The following ULK4 variants were observed in gnomAD, a reference collection of about 807,000 sequenced individuals.
The protein encoded by ULK4 is unc-51 like kinase 4, also known as inactive serine/threonine-protein kinase ULK4.
ULK4 carries 133 observed loss-of-function variants against 160.6 expected under a neutral mutation model. That is an observed-to-expected ratio of 0.83 (90% CI 0.72 to 0.96). The LOEUF is 0.96. Among genes scored for constraint, ULK4 ranks in the 40% least tolerant of loss-of-function variants. The pLI, the probability that ULK4 is intolerant of heterozygous loss-of-function variation, is 0.00. For synonymous variants in ULK4, 534 were observed against 539.8 expected (o/e 0.99, Z 0.15); for missense variants, 1,580 against 1,499.5 (o/e 1.05, Z -0.89).
intron 31 of ULK4, among the ~76,000 whole-genome samples, chr3:41,587,337 T>C (rs1272821540): frequency 6.6e-6 from 1 of 152,194 alleles, no homozygotes; most frequent in Non-Finnish European, 1.5e-5. Flanking sequence ...TAAAAGCTCA[T>C]GTCATGAGGT....
chr3:41,476,873 T>C lies in ULK4; in HGVS notation c.3227-13620A>G, dbSNP rs148785084. Among the ~76,000 whole-genome samples, 631 of 152,230 alleles carry C rather than the reference T, an allele frequency of 4.1e-3. 11 individuals are homozygous for C. Among genetic ancestry groups the C allele is most frequent in the Admixed American group, 0.033 (512 of 15,298 alleles). Reference sequence around the variant, plus strand: ...ACTGAAGTTTAAACACTGAGATAAATATACAGGGAAAGTCAAAGCCACCTT... The same window carrying C: ...ACTGAAGTTTAAACACTGAGATAAACATACAGGGAAAGTCAAAGCCACCTT... On this transcript the variant is annotated intron_variant, in intron 32 of 36. Coordinates refer to ENST00000301831, the MANE Select transcript of ULK4 (RefSeq NM_017886.4).
At chr3:41,721,255 A>ATTTTTTTT (rs67078042) in intron 22 of ULK4, among the ~76,000 whole-genome samples, 7 of 45,044 alleles carry the variant, frequency 1.6e-4, no homozygotes, top group East Asian at 1.0e-3. Flanking sequence ...TTCGCTTTGA[A>ATTTTTTTT]TTTTTTTTTT....
intron 21 of ULK4, among the ~76,000 whole-genome samples, chr3:41,786,867 G>A (rs893406198): frequency 6.6e-6 from 1 of 151,996 alleles, no homozygotes; most frequent in Non-Finnish European, 1.5e-5. Flanking sequence ...AGACCAGCTA[G>A]GGGCCTTGAA....
intron 30 of ULK4, among the ~76,000 whole-genome samples, chr3:41,647,226 T>C (rs1046075581): frequency 6.6e-6 from 1 of 152,250 alleles, no homozygotes; most frequent in Non-Finnish European, 1.5e-5. Flanking sequence ...CTTTGTTCCG[T>C]TGCTGGTGAG....
At chr3:41,894,329 C>A (rs1698077504) in intron 16 of ULK4, among the ~76,000 whole-genome samples, 1 of 152,104 alleles carries the variant, frequency 6.6e-6, no homozygotes, top group Non-Finnish European at 1.5e-5. Context: ...CTTTTTATTA[C>A]CAGATTTTAC....
chr3:41,535,640 G>A (rs1559375740), intron 32 of ULK4, among the ~76,000 whole-genome samples: 1 of 152,234 alleles, frequency 6.6e-6, no homozygotes, highest in African/African-American at 2.4e-5. Flanking sequence ...AGTGGCAGGT[G>A]ATCTGAGACT....
Position 41,762,856 on chromosome 3 carries a change from A to C in ULK4, c.2194-8368T>G, listed in dbSNP as rs537335833. 2.0e-5 allele frequency among the ~76,000 whole-genome samples: 3 copies of C among 151,930 alleles called. No homozygotes were observed. In the South Asian group the frequency reaches 6.2e-4, roughly 32 times the overall value. On this transcript the variant is annotated intron_variant, in intron 21 of 36. Transcript: ENST00000301831. The stretch of plus-strand genomic sequence containing the variant: ...TTTTTTCTGTATTTTTAGTAGAGAC[A>C]GGGTTTCACTGTTAGCCAGGATTGT...
At chr3:41,891,897 T>C (rs113772069) in intron 16 of ULK4, among the ~76,000 whole-genome samples, 18,876 of 152,124 alleles carry the variant, frequency 0.12, 1,352 homozygotes, top group Middle Eastern at 0.27. Context: ...TGAGCGAGAC[T>C]CCGTCTCAAA....
chr3:41,418,349 G>GGC, intron 34 of ULK4, among the ~76,000 whole-genome samples: 1 of 144,488 alleles, frequency 6.9e-6, no homozygotes, highest in South Asian at 2.4e-4. Context: ...TGGCGGGGGG[G>GGC]GGGGCACGTT....
chr3:41,641,609 C>G (rs1245771311), intron 30 of ULK4, among the ~76,000 whole-genome samples: 1 of 152,060 alleles, frequency 6.6e-6, no homozygotes, highest in East Asian at 1.9e-4. Context: ...TCATAAAAAC[C>G]ACTGGCCCTA....
chr3:41,313,419 ATTC>A (rs1249324048), intron 35 of ULK4, among the ~76,000 whole-genome samples: 2 of 152,174 alleles, frequency 1.3e-5, no homozygotes, highest in South Asian at 2.1e-4. Context: ...GCTGGTGCTT[ATTC>A]TTCTGTTTTT....
At position 41,874,490 on chromosome 3, in the gene ULK4, A is replaced by C. The variant is rs562430310; in HGVS notation, c.1656+9384T>G. Among the ~76,000 whole-genome samples, 271 of 152,348 alleles carry C rather than the reference A, an allele frequency of 1.8e-3. 2 individuals are homozygous for C. The highest frequency in any genetic ancestry group is 3.4e-3 in the Middle Eastern group (1 of 294). The stretch of plus-strand genomic sequence containing the variant: ...ATTCTTACAATATTTCACTCTTTTA[A>C]AGAACTAAATCATAAAACATGATTA... On this transcript the variant is annotated intron_variant, in intron 17 of 36. Transcript: ENST00000301831.
intron 34 of ULK4, among the ~76,000 whole-genome samples, chr3:41,440,976 T>C (rs549996528): frequency 6.6e-6 from 1 of 152,188 alleles, no homozygotes; most frequent in South Asian, 2.1e-4. Context: ...GTAGAATTTG[T>C]AGAGATGTCT....
intron 21 of ULK4, among the ~76,000 whole-genome samples, chr3:41,758,210 A>G (rs1232492100): frequency 6.6e-6 from 1 of 152,180 alleles, no homozygotes; most frequent in African/African-American, 2.4e-5. Flanking sequence ...TGGACTTCCC[A>G]GCCTCCAGAA....
chr3:41,712,511 C>T (rs1240151071), intron 25 of ULK4, among the ~76,000 whole-genome samples: 1 of 152,184 alleles, frequency 6.6e-6, no homozygotes, highest in Non-Finnish European at 1.5e-5. Flanking sequence ...GACAATATGC[C>T]TGCCATAAGA....
chr3:41,451,091 A>G (rs977805902), intron 34 of ULK4, among the ~76,000 whole-genome samples: 1 of 152,124 alleles, frequency 6.6e-6, no homozygotes, highest in Non-Finnish European at 1.5e-5. Flanking sequence ...TAAGCAGGAC[A>G]GTGAAAGCTG....
intron 19 of ULK4, among the ~76,000 whole-genome samples, chr3:41,804,698 T>A: frequency 6.6e-6 from 1 of 152,202 alleles, no homozygotes; most frequent in Non-Finnish European, 1.5e-5. Flanking sequence ...GCTTTCTACA[T>A]ATGGCTAGCC....
At chr3:41,275,920 T>G (rs1004392388) in intron 35 of ULK4, among the ~76,000 whole-genome samples, 2 of 152,244 alleles carry the variant, frequency 1.3e-5, no homozygotes, top group Admixed American at 6.5e-5. Flanking sequence ...TCTATGGATG[T>G]ATTAAAGAAG....
intron 19 of ULK4, among the ~76,000 whole-genome samples, chr3:41,813,940 T>G (rs575242850): frequency 6.6e-6 from 1 of 152,174 alleles, no homozygotes; most frequent in Admixed American, 6.5e-5. Context: ...AGGTACAGAG[T>G]TGCCCAGTGT....
Sources: gnomAD v4.1 joint callset for allele counts (sites outside exome capture counted in the v4.1 genomes callset) on GRCh38, gnomAD v4.1.1 for gene constraint, MANE v1.5 for transcripts, NCBI Gene and HGNC (gene_info 2026-07-23, HGNC 2026-07-21) for gene names.